The following BAALC variants were observed in gnomAD, a reference collection of about 807,000 sequenced individuals.
BAALC encodes brain and acute leukemia cytoplasmic protein.
A neutral mutation model predicts 15.5 loss-of-function variants in BAALC; 9 were observed. The observed-to-expected ratio is 0.58, with a 90% CI of 0.35 to 1.02. The LOEUF is 1.02. BAALC is among the 50% of genes least tolerant of loss of function. The pLI is 0.02. For synonymous variants in BAALC, 80 were observed against 74.6 expected (o/e 1.07, Z -0.37); for missense variants, 201 against 192.4 (o/e 1.04, Z -0.27).
rs977094886 is a variant in BAALC at position 103,141,071 on chromosome 8, C to T, written c.160+14C>T. The T allele has an allele frequency of 2.3e-5, 33 of 1,444,148 alleles. No homozygotes were observed. The highest frequency in any genetic ancestry group is 2.9e-5 in the Non-Finnish European group (32 of 1,102,576). The allele number at this position is 1,444,148 out of a possible 1,614,324, so 89.5% of individuals were successfully genotyped here. A position where few individuals can be genotyped will look rare whatever the true frequency, so the allele number is the denominator to read the frequency against. On this transcript the variant is annotated intron_variant, in intron 1 of 2. Coordinates refer to ENST00000309982, the MANE Select transcript of BAALC (RefSeq NM_024812.3). ...GCCTGCACTCGGGTAAGTGGCCGGGCCCCTGCAGACCCTCGCCCGCCCGCT... is the reference window on the plus strand; with the variant it reads ...GCCTGCACTCGGGTAAGTGGCCGGGTCCCTGCAGACCCTCGCCCGCCCGCT...
intron 1 of BAALC, chr8:103,200,553 C>A: frequency 2.2e-6 from 1 of 451,552 alleles, no homozygotes; most frequent in Non-Finnish European, 4.0e-6. Flanking sequence ...AAAAATAATT[C>A]AACCAAAGAG....
In BAALC at chr8:103,185,049, C is replaced by T. The variant is rs75614808; in HGVS notation, c.161-27870C>T. On this transcript the variant is annotated intron_variant, in intron 1 of 2. Coordinates refer to ENST00000309982, the MANE Select transcript of BAALC (RefSeq NM_024812.3). ...CCCGGCTTCACCACTCCCTAGTCTCCGAAGAATAGCCTCAACACCTAATTC... is the reference window on the plus strand; with the variant it reads ...CCCGGCTTCACCACTCCCTAGTCTCTGAAGAATAGCCTCAACACCTAATTC... 5.3e-3 allele frequency among the ~76,000 whole-genome samples: 809 copies of T among 152,172 alleles called. 5 individuals are homozygous for T. The highest frequency in any genetic ancestry group is 0.018 in the African/African-American group (743 of 41,508).
chr8:103,163,102 C>T (rs1440025099), intron 1 of BAALC, among the ~76,000 whole-genome samples: 5 of 152,140 alleles, frequency 3.3e-5, no homozygotes. Context: ...CCTGGCCAAT[C>T]TCCTCTGCCT....
At chr8:103,197,983 C>G (rs1317460396) in intron 1 of BAALC, 2 of 549,556 alleles carry the variant, frequency 3.6e-6, no homozygotes, top group Admixed American at 3.6e-5. Flanking sequence ...TCCTTTTAAA[C>G]ATTGCTCAAG....
At chr8:103,196,563 G>A (rs2130018345) in intron 1 of BAALC, among the ~76,000 whole-genome samples, 1 of 152,298 alleles carries the variant, frequency 6.6e-6, no homozygotes, top group South Asian at 2.1e-4. Context: ...TTACAGGTGT[G>A]AGACACCACA....
chr8:103,229,112 G>A lies in BAALC; in HGVS notation c.*1013G>A, dbSNP rs1391996514. The A allele has an allele frequency of 1.3e-5, 2 of 152,174 alleles. No homozygotes were observed. The highest frequency in any genetic ancestry group is 1.9e-4 in the East Asian group (1 of 5,198). 9.4% of individuals were successfully genotyped at this position (152,174 alleles called of 1,614,324 possible). ...TAGAAAGCCAGCACCTGGTTGATGTGTATTCATACTGACATTAGATTGATG... is the reference window on the plus strand; with the variant it reads ...TAGAAAGCCAGCACCTGGTTGATGTATATTCATACTGACATTAGATTGATG... On this transcript the variant is annotated 3_prime_UTR_variant, in exon 3 of 3. Coordinates refer to ENST00000309982, the MANE Select transcript of BAALC (RefSeq NM_024812.3).
intron 1 of BAALC, among the ~76,000 whole-genome samples, chr8:103,156,658 T>C (rs936003876): frequency 6.6e-6 from 1 of 152,240 alleles, no homozygotes; most frequent in Admixed American, 6.5e-5. Flanking sequence ...ATTATCTCAC[T>C]GTGTCTCTCT....
chr8:103,143,828 C>T (rs772306451), intron 1 of BAALC, among the ~76,000 whole-genome samples: 14 of 152,216 alleles, frequency 9.2e-5, no homozygotes, highest in South Asian at 2.1e-4. Flanking sequence ...ACCTGTCCTC[C>T]GTCCTGTCAG....
At chr8:103,176,916 C>A (rs12543973) in intron 1 of BAALC, among the ~76,000 whole-genome samples, 27,391 of 152,132 alleles carry the variant, frequency 0.18, 3,024 homozygotes, top group East Asian at 0.4. Flanking sequence ...GCTGTGCTAC[C>A]TCCCCTTTGC....
intron 1 of BAALC, among the ~76,000 whole-genome samples, chr8:103,150,225 C>A (rs1455810775): frequency 6.6e-6 from 1 of 152,172 alleles, no homozygotes; most frequent in Non-Finnish European, 1.5e-5. Flanking sequence ...GATTCAATTA[C>A]CTCCCACCTG....
intron 1 of BAALC, among the ~76,000 whole-genome samples, chr8:103,152,455 C>A (rs918450325): frequency 2.0e-5 from 3 of 152,196 alleles, no homozygotes; most frequent in African/African-American, 7.2e-5. Flanking sequence ...GAGAGACCAG[C>A]CTTCCCCAGT....
chr8:103,203,428 G>A (rs78651620), intron 1 of BAALC, among the ~76,000 whole-genome samples: 7,574 of 152,226 alleles, frequency 0.05, 210 homozygotes, highest in South Asian at 0.1. Flanking sequence ...TGACAGCTTT[G>A]TTGAGGTATA....
intron 1 of BAALC, chr8:103,183,549 TGG>T: frequency 1.5e-6 from 1 of 673,616 alleles, no homozygotes; most frequent in Non-Finnish European, 2.7e-6. Context: ...ATCTATAGCT[TGG>T]GAGAGCCTCT....
intron 1 of BAALC, among the ~76,000 whole-genome samples, chr8:103,196,426 A>G (rs1812100162): frequency 6.6e-6 from 1 of 152,110 alleles, no homozygotes; most frequent in Non-Finnish European, 1.5e-5. Context: ...GACTACGGGC[A>G]TGCACCACCA....
chr8:103,157,951 T>A (rs1414714262), intron 1 of BAALC, among the ~76,000 whole-genome samples: 3 of 152,232 alleles, frequency 2.0e-5, no homozygotes, highest in African/African-American at 7.2e-5. Flanking sequence ...CATCTAAAAT[T>A]AATGAAAATT....
rs139470111 is a variant in BAALC, at chr8:103,195,880, C to G, written c.161-17039C>G. On this transcript the variant is annotated intron_variant, in intron 1 of 2. Coordinates refer to ENST00000309982, the MANE Select transcript of BAALC (RefSeq NM_024812.3). ...GGAGCTCCCAGACCAATGGGGCAAG[C>G]AGACATGGAACAAATGATACCAACA... Among the ~76,000 whole-genome samples the G allele has an allele frequency of 5.2e-3, 791 of 152,232 alleles. 2 individuals carry two copies. The highest frequency in any genetic ancestry group is 0.018 in the African/African-American group (751 of 41,526).
Position 103,154,344 on chromosome 8 carries a change from C to T in BAALC, c.160+13287C>T, listed in dbSNP as rs565633303. On this transcript the variant is annotated intron_variant, in intron 1 of 2. Coordinates refer to ENST00000309982, the MANE Select transcript of BAALC (RefSeq NM_024812.3). ...TCTGAGCCCTGTGGTCTTTCCTGTA[C>T]ACCAGCCCCTTCATGGATTGCTAGC... 2.0e-5 allele frequency among the ~76,000 whole-genome samples: 3 copies of T among 152,168 alleles called. No homozygotes were observed. The South Asian group carries it at 6.2e-4, about 32-fold the overall frequency.
Position 103,142,691 on chromosome 8 carries a change from G to A in BAALC, c.160+1634G>A, listed in dbSNP as rs1712167824. ...CGTGGTGACTGGGAGTATATGGTGT[G>A]TGTGTGTATGTGCGTATATGCATAT... is the stretch of plus-strand genomic sequence containing the variant. On this transcript the variant is annotated intron_variant, in intron 1 of 2. Transcript: ENST00000309982. Among the ~76,000 whole-genome samples the A allele has an allele frequency of 2.0e-5, 3 of 152,234 alleles. No homozygotes were observed. In the South Asian group the frequency reaches 6.2e-4, roughly 32 times the overall value.
intron 1 of BAALC, among the ~76,000 whole-genome samples, chr8:103,177,512 T>A (rs1027836937): frequency 2.0e-5 from 3 of 152,142 alleles, no homozygotes; most frequent in Non-Finnish European, 2.9e-5. Flanking sequence ...TAGCCACCTA[T>A]CCCATGCAAA....
Sources: gnomAD v4.1 joint callset for allele counts (sites outside exome capture counted in the v4.1 genomes callset) on GRCh38, gnomAD v4.1.1 for gene constraint, MANE v1.5 for transcripts, NCBI Gene and HGNC (gene_info 2026-07-23, HGNC 2026-07-21) for gene names.